The following GLIS1 variants were observed in gnomAD, a reference collection of about 807,000 sequenced individuals.
GLIS1 encodes zinc finger protein GLIS1.
A neutral mutation model predicts 63.8 loss-of-function variants in GLIS1; 24 were observed. The ratio of observed to expected loss-of-function variants is 0.38; its 90% CI spans 0.27 to 0.53. The LOEUF (loss-of-function observed/expected upper bound fraction) is 0.53, where lower values mean the gene tolerates loss of function less well. Among genes scored for constraint, GLIS1 ranks in the 20% least tolerant of loss-of-function variants. The pLI, the probability that GLIS1 is intolerant of heterozygous loss-of-function variation, is 0.85. For synonymous variants in GLIS1, 450 were observed against 482.5 expected, an observed-to-expected ratio of 0.93 and a Z score of 0.88; for missense variants, 1,036 against 1,074.1, an observed-to-expected ratio of 0.96 and a Z score of 0.50.
At chr1:53,693,140 G>A (rs1646425725) in intron 2 of GLIS1, among the ~76,000 whole-genome samples, 2 of 152,174 alleles carry the variant, frequency 1.3e-5, no homozygotes, top group South Asian at 2.1e-4. Context: ...AAATCATCGT[G>A]GCTCCATATG....
chr1:53,736,571 C>T (rs1180739601), intron 2 of GLIS1, among the ~76,000 whole-genome samples: 2 of 152,144 alleles, frequency 1.3e-5, no homozygotes, highest in Non-Finnish European at 2.9e-5. Context: ...GTGTGTATTC[C>T]AGCAATAACA....
chr1:53,716,658 A>C (rs1451223118), intron 2 of GLIS1, among the ~76,000 whole-genome samples: 1 of 151,570 alleles, frequency 6.6e-6, no homozygotes, highest in African/African-American at 2.4e-5. Flanking sequence ...TAAAATAAAA[A>C]AGAAGATGGG....
chr1:53,640,705 G>GT (rs1645777834), intron 2 of GLIS1, among the ~76,000 whole-genome samples: 1 of 152,222 alleles, frequency 6.6e-6, no homozygotes, highest in African/African-American at 2.4e-5. Context: ...GGGAAAGTAA[G>GT]TAACGTGCCC....
intron 2 of GLIS1, among the ~76,000 whole-genome samples, chr1:53,702,510 G>A (rs1026427683): frequency 1.3e-5 from 2 of 152,204 alleles, no homozygotes; most frequent in Non-Finnish European, 2.9e-5. Flanking sequence ...AGATAGGGCA[G>A]GAACAGGAGA....
intron 4 of GLIS1, among the ~76,000 whole-genome samples, chr1:53,581,958 G>A (rs1024048528): frequency 1.3e-5 from 2 of 152,184 alleles, no homozygotes; most frequent in African/African-American, 4.8e-5. Flanking sequence ...TGGAGTCCAA[G>A]TCTTCCATTT....
intron 2 of GLIS1, among the ~76,000 whole-genome samples, chr1:53,680,487 T>C (rs973996305): frequency 2.0e-5 from 3 of 152,214 alleles, no homozygotes; most frequent in African/African-American, 7.2e-5. Flanking sequence ...ACTTAACCTC[T>C]CTGAGCCTCT....
chr1:53,646,060 T>C lies in GLIS1; in HGVS notation c.260-45782A>G, dbSNP rs4926611. On this transcript the variant is annotated intron_variant, in intron 2 of 10. Coordinates refer to ENST00000628545, the MANE Select transcript of GLIS1 (RefSeq NM_001367484.1). The surrounding 1 kb of genome is among the most constrained non-coding windows in gnomAD (Gnocchi z 4.2). ...GAGACACCTGCAACATCCAGCAACA[T>C]AATGCTGAATTTAAAAAGCAAATCT... Among the ~76,000 whole-genome samples, 74,559 of 152,080 alleles carry C rather than the reference T, an allele frequency of 0.49. 21,516 individuals are homozygous for C. Among genetic ancestry groups the C allele is most frequent in the Non-Finnish European group, 0.63 (42,702 of 67,976 alleles).
At chr1:53,576,482 A>G (rs1377830337) in intron 4 of GLIS1, among the ~76,000 whole-genome samples, 3 of 152,192 alleles carry the variant, frequency 2.0e-5, no homozygotes, top group African/African-American at 7.2e-5. Context: ...CACTGAGCAC[A>G]GCTGCCTCTT....
intron 4 of GLIS1, among the ~76,000 whole-genome samples, chr1:53,534,117 G>T (rs889931237): frequency 4.6e-5 from 7 of 152,034 alleles, no homozygotes; most frequent in African/African-American, 1.5e-4. Context: ...CATAGGCTGT[G>T]TAGGGCTGGG....
chr1:53,533,062 G>A (rs1404773207), intron 4 of GLIS1, among the ~76,000 whole-genome samples: 1 of 152,268 alleles, frequency 6.6e-6, no homozygotes, highest in Non-Finnish European at 1.5e-5. Flanking sequence ...AATTCTGTTA[G>A]GAATTTCCAT....
chr1:53,643,662 C>T (rs574193138), intron 2 of GLIS1, among the ~76,000 whole-genome samples: 28 of 152,322 alleles, frequency 1.8e-4, no homozygotes, highest in African/African-American at 6.5e-4. Context: ...GCTCTCTCTG[C>T]CTCACTTTCC....
intron 6 of GLIS1, among the ~76,000 whole-genome samples, chr1:53,522,317 A>C (rs1644418840): frequency 6.6e-6 from 1 of 152,182 alleles, no homozygotes; most frequent in Non-Finnish European, 1.5e-5. Context: ...TATTGTTGGG[A>C]AGTTTGCAGA....
chr1:53,651,208 C>A (rs571713198), intron 2 of GLIS1, among the ~76,000 whole-genome samples: 1 of 152,306 alleles, frequency 6.6e-6, no homozygotes, highest in East Asian at 1.9e-4. Context: ...TTGTGGAGAG[C>A]CCGTAACTGG....
chr1:53,514,564 C>T, intron 8 of GLIS1, 61 bp downstream of exon 8: 2 of 1,553,636 alleles, frequency 1.3e-6, no homozygotes, highest in Non-Finnish European at 1.8e-6. Flanking sequence ...CCTGCTCTCC[C>T]TGCCTCCCCC....
intron 4 of GLIS1, among the ~76,000 whole-genome samples, chr1:53,583,549 G>A (rs981689029): frequency 6.6e-6 from 1 of 152,188 alleles, no homozygotes; most frequent in Admixed American, 6.5e-5. Context: ...TCCATCTGCT[G>A]TCTGAGCTTA....
At position 53,673,916 on chromosome 1, in the gene GLIS1, A is replaced by G. The variant is rs371925682; in HGVS notation, c.259+63890T>C. Among the ~76,000 whole-genome samples the G allele has an allele frequency of 1.8e-4, 28 of 152,320 alleles. No individual in the cohort carries two copies. In the East Asian group the frequency reaches 5.2e-3, roughly 28 times the overall value. ...GCCGGGAGCGGTGGCTCACGCCTGT[A>G]ATCCCAGCACTTTGGGAGGCCGAGG... On this transcript the variant is annotated intron_variant, in intron 2 of 10. Coordinates refer to ENST00000628545, the MANE Select transcript of GLIS1 (RefSeq NM_001367484.1).
chr1:53,528,142 C>T (rs1159396736), intron 5 of GLIS1, among the ~76,000 whole-genome samples: 4 of 152,166 alleles, frequency 2.6e-5, no homozygotes, highest in Non-Finnish European at 5.9e-5. Context: ...CAGGGTGCCA[C>T]GGGCCCCTTG....
chr1:53,663,969 C>T lies in GLIS1; in HGVS notation c.260-63691G>A, dbSNP rs148567561. The stretch of plus-strand genomic sequence containing the variant: ...GGGCTCTATCCCAAGCCACCCCTCC[C>T]TTCTCACTGACTCCCCTCCTGACTG... On this transcript the variant is annotated intron_variant, in intron 2 of 10. Coordinates refer to ENST00000628545, the MANE Select transcript of GLIS1 (RefSeq NM_001367484.1). 4.8e-3 allele frequency among the ~76,000 whole-genome samples: 732 copies of T among 152,334 alleles called. 5 individuals carry two copies. The highest frequency in any genetic ancestry group is 0.015 in the African/African-American group (618 of 41,574).
chr1:53,569,485 T>TA lies in GLIS1; in HGVS notation c.1320+24622_1320+24623insT, dbSNP rs200000770. Among the ~76,000 whole-genome samples, 302 of 120,832 alleles carry TA rather than the reference T, an allele frequency of 2.5e-3. 1 individual carries two copies. Among genetic ancestry groups the TA allele is most frequent in the East Asian group, 0.012 (53 of 4,498 alleles). 79.3% of individuals were successfully genotyped at this position (120,832 alleles called of 152,430 possible). On this transcript the variant is annotated intron_variant, in intron 4 of 10. Coordinates refer to ENST00000628545, the MANE Select transcript of GLIS1 (RefSeq NM_001367484.1). ...TAAAAAAGAAAGTCTATTTTTTTTT[T>TA]TAAAAAAGCCTTTAATCTGAGAGAA...
Sources: allele counts gnomAD v4.1 joint callset (sites outside exome capture counted in the v4.1 genomes callset), GRCh38; gene constraint gnomAD v4.1.1; non-coding constraint Gnocchi (gnomAD v3.1); transcripts MANE v1.5; gene names NCBI Gene and HGNC (gene_info 2026-07-23, HGNC 2026-07-21).